The following TMEM108 variants were observed in gnomAD, a reference collection of about 807,000 sequenced individuals.
The protein encoded by TMEM108 is transmembrane protein 108, also known as cancer/testis antigen 124.
Under a neutral mutation model 35.1 loss-of-function variants are expected in TMEM108, and 12 were observed. The observed-to-expected ratio is 0.34, with a 90% CI of 0.22 to 0.55. The LOEUF (loss-of-function observed/expected upper bound fraction) is 0.55. TMEM108 is among the 20% of genes least tolerant of loss of function. TMEM108 has a pLI of 0.89. For synonymous variants in TMEM108, 287 were observed against 308.6 expected (o/e 0.93, Z 0.73); for missense variants, 680 against 753.3 (o/e 0.90, Z 1.14).
chr3:133,167,474 C>T (rs9877365), intron 2 of TMEM108, among the ~76,000 whole-genome samples: 26,100 of 152,266 alleles, frequency 0.17, 2,359 homozygotes, highest in Middle Eastern at 0.27. Context: ...AAGCTCGGGC[C>T]GTGCAGGAGC....
At chr3:133,289,198 G>A (rs896113986) in intron 3 of TMEM108, among the ~76,000 whole-genome samples, 2 of 152,008 alleles carry the variant, frequency 1.3e-5, no homozygotes, top group African/African-American at 4.8e-5. Flanking sequence ...GGATTTGGGG[G>A]TCCATCATTT....
intron 3 of TMEM108, among the ~76,000 whole-genome samples, chr3:133,307,094 A>G (rs4638969): frequency 0.97 from 148,467 of 152,286 alleles, 72,479 homozygotes; most frequent in East Asian, 1. Context: ...TCTCATTGTG[A>G]TTTTGATTTG....
intron 2 of TMEM108, among the ~76,000 whole-genome samples, chr3:133,090,004 T>C (rs546702653): frequency 6.6e-6 from 1 of 152,314 alleles, no homozygotes; most frequent in East Asian, 1.9e-4. Flanking sequence ...CCCTGTGGGT[T>C]GAACATAGGT....
At chr3:133,061,201 G>A (rs1008889296) in intron 2 of TMEM108, among the ~76,000 whole-genome samples, 5 of 150,522 alleles carry the variant, frequency 3.3e-5, no homozygotes, top group Non-Finnish European at 4.4e-5. Context: ...TTTGTACAAT[G>A]GGCATGTCTC....
At chr3:133,121,730 C>T (rs1944354539) in intron 2 of TMEM108, among the ~76,000 whole-genome samples, 1 of 152,088 alleles carries the variant, frequency 6.6e-6, no homozygotes, top group African/African-American at 2.4e-5. Flanking sequence ...GAACAATAGA[C>T]AGTTAAAATG....
Position 133,056,844 on chromosome 3 carries a change from A to G in TMEM108, c.-47+10824A>G, listed in dbSNP as rs1033477450. Among the ~76,000 whole-genome samples the G allele has an allele frequency of 3.9e-5, 6 of 152,198 alleles. No homozygotes were observed. In the East Asian group the frequency reaches 1.2e-3, roughly 29 times the overall value. On this transcript the variant is annotated intron_variant, in intron 2 of 5. Transcript: ENST00000321871. The stretch of plus-strand genomic sequence containing the variant: ...TGTCTGCAACCTTGAGCACTAATTC[A>G]TTTTCTCAGCATTTGTTTCCTTTCA...
intron 3 of TMEM108, among the ~76,000 whole-genome samples, chr3:133,282,476 A>C (rs74638914): frequency 1.4e-3 from 207 of 152,286 alleles, no homozygotes; most frequent in African/African-American, 4.8e-3. Flanking sequence ...TTCTTTACAC[A>C]GTCATCTTGT....
chr3:133,199,254 A>G (rs938322017), intron 2 of TMEM108, among the ~76,000 whole-genome samples: 7 of 152,156 alleles, frequency 4.6e-5, no homozygotes, highest in Non-Finnish European at 8.8e-5. Flanking sequence ...AGCTCGGAGA[A>G]GTTTGATCAT....
At chr3:133,197,121 A>G (rs1316652508) in intron 2 of TMEM108, among the ~76,000 whole-genome samples, 1 of 152,244 alleles carries the variant, frequency 6.6e-6, no homozygotes, top group African/African-American at 2.4e-5. Context: ...CAGATAAACA[A>G]AATGATATAA....
chr3:133,212,283 C>T (rs772931190), intron 2 of TMEM108, among the ~76,000 whole-genome samples: 13 of 152,224 alleles, frequency 8.5e-5, no homozygotes, highest in Middle Eastern at 3.4e-3. Flanking sequence ...TCTAAATATC[C>T]GGATTTCTGA....
At chr3:133,123,238 T>C (rs1944375620) in intron 2 of TMEM108, among the ~76,000 whole-genome samples, 1 of 152,252 alleles carries the variant, frequency 6.6e-6, no homozygotes, top group Admixed American at 6.5e-5. Flanking sequence ...GCTTACCTTC[T>C]GTTTATCAAC....
intron 2 of TMEM108, among the ~76,000 whole-genome samples, chr3:133,139,294 G>A (rs1268628079): frequency 6.6e-6 from 1 of 151,914 alleles, no homozygotes; most frequent in Non-Finnish European, 1.5e-5. Flanking sequence ...GGGATTGCTG[G>A]GTCAATCTAT....
chr3:133,291,901 CAG>C lies in TMEM108; in HGVS notation c.40+62553_40+62554del, dbSNP rs35124141. Among the ~76,000 whole-genome samples, 1,259 of 152,250 alleles carry C rather than the reference CAG, an allele frequency of 8.3e-3. 2 individuals are homozygous for C. The highest frequency in any genetic ancestry group is 0.014 in the Non-Finnish European group (975 of 68,024). ...TGCCTTCCTCCCTTCCCAAAACATT[CAG>C]AGTTAATCCCACTGTAAGTCATGTC... On this transcript the variant is annotated intron_variant, in intron 3 of 5. Coordinates refer to ENST00000321871, the MANE Select transcript of TMEM108 (RefSeq NM_023943.4).
chr3:133,224,270 T>C (rs950848087), intron 2 of TMEM108, among the ~76,000 whole-genome samples: 3 of 152,148 alleles, frequency 2.0e-5, no homozygotes, highest in Non-Finnish European at 2.9e-5. Context: ...CTCTGACTGC[T>C]TGTGGGTCGC....
At chr3:133,057,439 A>G (rs55662442) in intron 2 of TMEM108, among the ~76,000 whole-genome samples, 989 of 4,776 alleles carry the variant, frequency 0.21, 30 homozygotes, top group African/African-American at 0.28. Context: ...GTGTGTGTAT[A>G]TATATATATA....
intron 3 of TMEM108, among the ~76,000 whole-genome samples, chr3:133,233,395 T>C (rs1190987724): frequency 1.3e-5 from 2 of 152,196 alleles, no homozygotes; most frequent in Admixed American, 6.5e-5. Flanking sequence ...CTGCATAGTA[T>C]TCCATGGTGT....
intron 3 of TMEM108, among the ~76,000 whole-genome samples, chr3:133,296,706 G>T (rs1947150542): frequency 6.6e-6 from 1 of 152,244 alleles, no homozygotes; most frequent in East Asian, 1.9e-4. Flanking sequence ...AGGACAGGGG[G>T]GACTTGGGGG....
chr3:133,108,985 A>G (rs971219794), intron 2 of TMEM108, among the ~76,000 whole-genome samples: 1 of 152,018 alleles, frequency 6.6e-6, no homozygotes, highest in Non-Finnish European at 1.5e-5. Flanking sequence ...TTAAAATATA[A>G]TAATAATAAT....
At chr3:133,314,725 G>A (rs2071175373) in intron 3 of TMEM108, among the ~76,000 whole-genome samples, 1 of 152,180 alleles carries the variant, frequency 6.6e-6, no homozygotes, top group African/African-American at 2.4e-5. Flanking sequence ...ATTGGTGGAT[G>A]GATAGCTTTG....
Sources: allele counts gnomAD v4.1 joint callset (sites outside exome capture counted in the v4.1 genomes callset), GRCh38; gene constraint gnomAD v4.1.1; transcripts MANE v1.5; gene names NCBI Gene and HGNC (gene_info 2026-07-23, HGNC 2026-07-21).